KAZN: variants seen among roughly 807,000 people sequenced by gnomAD.
The protein encoded by KAZN is kazrin, periplakin interacting protein, also known as kazrin.
KAZN carries 40 observed loss-of-function variants against 87.4 expected under a neutral mutation model. The ratio of observed to expected loss-of-function variants is 0.46; its 90% CI spans 0.36 to 0.60. The LOEUF is 0.60. KAZN is among the 20% of genes least tolerant of loss of function. KAZN has a pLI of 0.00. For missense variants in KAZN, 898 were observed against 1,073.9 expected, an observed-to-expected ratio of 0.84 and a Z score of 2.29; for synonymous variants, 466 against 458.3, an observed-to-expected ratio of 1.02 and a Z score of -0.22.
At chr1:14,416,374 C>T (rs1272186668) in intron 2 of KAZN, among the ~76,000 whole-genome samples, 1 of 152,088 alleles carries the variant, frequency 6.6e-6, no homozygotes, top group African/African-American at 2.4e-5. Flanking sequence ...AATCAAGTAA[C>T]AGTTGGGTTT....
intron 3 of KAZN, among the ~76,000 whole-genome samples, chr1:15,041,745 C>T (rs1426097022): frequency 6.6e-6 from 1 of 152,116 alleles, no homozygotes; most frequent in Non-Finnish European, 1.5e-5. Context: ...AAATCCCACC[C>T]TCAGAAATTC....
chr1:13,956,024 G>A (rs887297641), intron 1 of KAZN, among the ~76,000 whole-genome samples: 3 of 152,226 alleles, frequency 2.0e-5, no homozygotes, highest in Admixed American at 2.0e-4. Context: ...CGTAGGACCT[G>A]TAGTGAGGAT....
At chr1:14,989,281 G>T (rs1667124333) in intron 2 of KAZN, among the ~76,000 whole-genome samples, 1 of 152,192 alleles carries the variant, frequency 6.6e-6, no homozygotes, top group Admixed American at 6.5e-5. Flanking sequence ...TTCGAGACCA[G>T]CCAGGCCAAC....
At chr1:14,094,061 T>A (rs934884228) in intron 1 of KAZN, among the ~76,000 whole-genome samples, 2 of 152,130 alleles carry the variant, frequency 1.3e-5, no homozygotes, top group African/African-American at 4.8e-5. Flanking sequence ...TTTTAGGTAT[T>A]ACGGGTGGCT....
chr1:14,599,261 G>T lies in KAZN; in HGVS notation c.226+38G>T. 4 of 1,330,768 alleles carry T rather than the reference G, an allele frequency of 3.0e-6. No homozygotes were observed. Among genetic ancestry groups the T allele is most frequent in the Non-Finnish European group, 3.8e-6 (4 of 1,045,282 alleles). 82.4% of individuals were successfully genotyped at this position (1,330,768 alleles called of 1,614,324 possible). Reference sequence around the variant, plus strand: ...CGGCGCCCAGGGCGGAGGAAGGCGAGCAGAGCACGCCCGGCCTCGGAGGTG... The same window carrying T: ...CGGCGCCCAGGGCGGAGGAAGGCGATCAGAGCACGCCCGGCCTCGGAGGTG... On this transcript the variant is annotated intron_variant, in intron 1 of 14. Transcript: ENST00000376030. The surrounding 1 kb of genome is among the most constrained non-coding windows in gnomAD (Gnocchi z 4.4).
At chr1:14,857,776 G>A (rs1458437523) in intron 1 of KAZN, among the ~76,000 whole-genome samples, 12 of 152,124 alleles carry the variant, frequency 7.9e-5, no homozygotes. Context: ...CTTTAAGCAA[G>A]GCTCATGGGA....
chr1:14,258,016 G>A (rs575568276), intron 2 of KAZN, among the ~76,000 whole-genome samples: 8 of 148,174 alleles, frequency 5.4e-5, no homozygotes, highest in African/African-American at 2.0e-4. Context: ...TAAGAATGGG[G>A]GAAAAATTAG....
At chr1:13,948,295 T>G (rs533358052) in intron 1 of KAZN, among the ~76,000 whole-genome samples, 130 of 152,282 alleles carry the variant, frequency 8.5e-4, no homozygotes, top group Middle Eastern at 3.4e-3. Flanking sequence ...CAGGACCAGG[T>G]GGAGATAATT....
chr1:14,126,451 A>T lies in KAZN; in HGVS notation c.92-53984A>T, dbSNP rs181877184. 2.3e-3 allele frequency among the ~76,000 whole-genome samples: 349 copies of T among 152,080 alleles called. 1 individual carries two copies. The highest frequency in any genetic ancestry group is 8.1e-3 in the African/African-American group (337 of 41,526). On this transcript the variant is annotated intron_variant, in intron 1 of 16. Coordinates refer to the KAZN transcript ENST00000636203. ...AGTGATACCTCAGGCCCACAGACAC[A>T]GAAGTATTCACTGGCAGACTGGGAA...
In KAZN at chr1:14,614,473, A is replaced by G. The variant is rs114716576; in HGVS notation, c.226+15250A>G. Reference sequence around the variant, plus strand: ...GAACATTAGAGAGAGGCAGAGGCCAAACTTTGCTAAGGATGAGAGCTCTGC... The same window carrying G: ...GAACATTAGAGAGAGGCAGAGGCCAGACTTTGCTAAGGATGAGAGCTCTGC... On this transcript the variant is annotated intron_variant, in intron 1 of 14. Transcript: ENST00000376030. 5.0e-3 allele frequency among the ~76,000 whole-genome samples: 768 copies of G among 152,312 alleles called. 12 individuals are homozygous for G. The highest frequency in any genetic ancestry group is 0.018 in the African/African-American group (735 of 41,566).
chr1:14,621,727 A>G (rs1352862576), intron 1 of KAZN, among the ~76,000 whole-genome samples: 1 of 152,200 alleles, frequency 6.6e-6, no homozygotes, highest in Non-Finnish European at 1.5e-5. Context: ...GGTTTTATAA[A>G]GGGGAATTCC....
At chr1:14,267,950 ACT>A (rs1258343466) in intron 2 of KAZN, among the ~76,000 whole-genome samples, 2 of 152,044 alleles carry the variant, frequency 1.3e-5, no homozygotes, top group Non-Finnish European at 2.9e-5. Flanking sequence ...ACAGAGCAAG[ACT>A]CTGTCTCGAA....
At chr1:14,061,818 C>G (rs922082870) in intron 1 of KAZN, among the ~76,000 whole-genome samples, 1 of 152,068 alleles carries the variant, frequency 6.6e-6, no homozygotes, top group Non-Finnish European at 1.5e-5. Flanking sequence ...CACATCTGTG[C>G]GGAGTGGAGA....
intron 1 of KAZN, among the ~76,000 whole-genome samples, chr1:14,764,372 A>ACCCCCCCCCCCCCCCCC (rs1557465552): frequency 1.2e-5 from 1 of 81,098 alleles, no homozygotes; most frequent in Non-Finnish European, 2.8e-5. Context: ...ACCACTCCCG[A>ACCCCCCCCCCCCCCCCC]CCCCCTCCCC....
chr1:14,072,883 G>A (rs781034149), intron 1 of KAZN, among the ~76,000 whole-genome samples: 1 of 152,170 alleles, frequency 6.6e-6, no homozygotes, highest in East Asian at 1.9e-4. Flanking sequence ...CTAATTCAGA[G>A]ACCTGCTTGC....
chr1:14,994,318 T>C (rs976900120), intron 2 of KAZN, among the ~76,000 whole-genome samples: 1 of 152,234 alleles, frequency 6.6e-6, no homozygotes, highest in Non-Finnish European at 1.5e-5. Context: ...TTCCCACACA[T>C]GACATTTGCT....
At chr1:15,006,620 C>T (rs2102050246) in intron 2 of KAZN, among the ~76,000 whole-genome samples, 1 of 152,294 alleles carries the variant, frequency 6.6e-6, no homozygotes, top group East Asian at 1.9e-4. Context: ...TCCTAGGTGC[C>T]AGGGATACAG....
At chr1:14,450,181 G>A (rs977534959) in intron 2 of KAZN, among the ~76,000 whole-genome samples, 2 of 151,892 alleles carry the variant, frequency 1.3e-5, no homozygotes, top group Non-Finnish European at 2.9e-5. Context: ...TTCTTTTCTT[G>A]GCCGGTCTTC....
chr1:14,814,260 T>G (rs1646500609), intron 1 of KAZN, among the ~76,000 whole-genome samples: 1 of 152,212 alleles, frequency 6.6e-6, no homozygotes, highest in Non-Finnish European at 1.5e-5. Context: ...GGACTCTCAC[T>G]CTGTCCTCCA....
Sources: gnomAD v4.1 joint callset for allele counts (sites outside exome capture counted in the v4.1 genomes callset) on GRCh38, gnomAD v4.1.1 for gene constraint, Gnocchi (gnomAD v3.1) non-coding constraint, MANE v1.5 for transcripts, NCBI Gene and HGNC (gene_info 2026-07-23, HGNC 2026-07-21) for gene names.